Variants in ADCY8 observed in about 807,000 individuals in gnomAD.
The protein encoded by ADCY8 is adenylate cyclase 8.
A neutral mutation model predicts 119.7 loss-of-function variants in ADCY8; 51 were observed. The observed-to-expected ratio is 0.43, with a 90% confidence interval of 0.34 to 0.54. ADCY8 has a LOEUF of 0.54. Among genes scored for constraint, ADCY8 ranks in the 20% least tolerant of loss-of-function variants. The pLI, the probability that ADCY8 is intolerant of heterozygous loss-of-function variation, is 0.03. For missense variants in ADCY8, 1,383 were observed against 1,598.8 expected, an observed-to-expected ratio of 0.87 and a Z score of 2.30; for synonymous variants, 665 against 651.0, an observed-to-expected ratio of 1.02 and a Z score of -0.33.
intron 9 of ADCY8, 140 bp from the exon 10 acceptor site, chr8:130,849,943 G>T: frequency 1.2e-6 from 1 of 858,288 alleles, no homozygotes. Context: ...AAGGTTATTA[G>T]CAGGAGAGAT....
chr8:130,984,754 C>T (rs373289653), intron 2 of ADCY8, among the ~76,000 whole-genome samples: 4 of 152,080 alleles, frequency 2.6e-5, no homozygotes, highest in African/African-American at 9.7e-5. Context: ...GGATCAGGTA[C>T]AAGCGTGTAT....
At chr8:130,886,400 T>C (rs746797245) in intron 7 of ADCY8, among the ~76,000 whole-genome samples, 7 of 151,984 alleles carry the variant, frequency 4.6e-5, no homozygotes, top group Non-Finnish European at 1.0e-4. Context: ...CCAGAACCAA[T>C]GTTCTGGAGA....
chr8:130,940,141 G>T (rs1348108715), intron 4 of ADCY8, among the ~76,000 whole-genome samples: 1 of 152,196 alleles, frequency 6.6e-6, no homozygotes, highest in Non-Finnish European at 1.5e-5. Context: ...CACTTTCTAA[G>T]TCACGTGTCA....
At chr8:130,874,253 A>T (rs1386746628) in intron 8 of ADCY8, among the ~76,000 whole-genome samples, 1 of 152,070 alleles carries the variant, frequency 6.6e-6, no homozygotes, top group African/African-American at 2.4e-5. Context: ...GGTTGCAGTG[A>T]GCCGAGATGG....
chr8:130,909,260 G>A (rs929663340), intron 6 of ADCY8, among the ~76,000 whole-genome samples: 1 of 152,162 alleles, frequency 6.6e-6, no homozygotes, highest in South Asian at 2.1e-4. Flanking sequence ...GAAATGTTGA[G>A]TTTCTAAGGA....
At chr8:130,785,316 A>T in intron 16 of ADCY8, 67 bp downstream of exon 16, 1 of 1,105,140 alleles carries the variant, frequency 9.0e-7, no homozygotes, top group Non-Finnish European at 1.3e-6. Flanking sequence ...AGGCTTCACC[A>T]CCGTCGGTGA....
At chr8:130,800,928 C>A (rs576671608) in intron 14 of ADCY8, among the ~76,000 whole-genome samples, 2 of 152,268 alleles carry the variant, frequency 1.3e-5, no homozygotes, top group African/African-American at 4.8e-5. Flanking sequence ...CAAAGCAAAT[C>A]TTTGGGGCCT....
chr8:130,803,688 A>AGAG (rs1815853596), intron 14 of ADCY8, among the ~76,000 whole-genome samples: 1 of 152,214 alleles, frequency 6.6e-6, no homozygotes, highest in Non-Finnish European at 1.5e-5. Flanking sequence ...AATGAGACAG[A>AGAG]GAGGAGTTAA....
At chr8:130,930,864 A>C in intron 5 of ADCY8, among the ~76,000 whole-genome samples, 2 of 152,130 alleles carry the variant, frequency 1.3e-5, no homozygotes, top group Middle Eastern at 6.8e-3. Flanking sequence ...AAGTTTGAAA[A>C]GTTTTCTGCT....
intron 5 of ADCY8, among the ~76,000 whole-genome samples, chr8:130,930,225 C>T (rs1204265650): frequency 1.3e-5 from 2 of 151,516 alleles, no homozygotes; most frequent in African/African-American, 4.8e-5. Flanking sequence ...GTGATTTTCA[C>T]TAGTGTTATA....
intron 7 of ADCY8, among the ~76,000 whole-genome samples, chr8:130,900,823 C>T (rs866336706): frequency 6.6e-6 from 1 of 152,170 alleles, no homozygotes; most frequent in Non-Finnish European, 1.5e-5. Flanking sequence ...ACTATGAATA[C>T]CAAATTCACA....
chr8:130,805,335 C>T (rs1355617288), intron 14 of ADCY8, among the ~76,000 whole-genome samples: 3 of 152,244 alleles, frequency 2.0e-5, no homozygotes, highest in East Asian at 3.9e-4. Flanking sequence ...GAAATTTGTA[C>T]TGCTAATAAT....
intron 12 of ADCY8, among the ~76,000 whole-genome samples, chr8:130,833,030 G>A (rs1816885402): frequency 6.6e-6 from 1 of 152,094 alleles, no homozygotes; most frequent in South Asian, 2.1e-4. Context: ...TACTCTAAAG[G>A]TGGCTTATTT....
chr8:130,929,725 C>T (rs1820576664), intron 5 of ADCY8, among the ~76,000 whole-genome samples: 1 of 152,170 alleles, frequency 6.6e-6, no homozygotes, highest in Non-Finnish European at 1.5e-5. Flanking sequence ...ACTGCTGAAA[C>T]TGGGATGTTG....
In ADCY8 at chr8:130,780,828, T is replaced by C. The variant is rs759167816; in HGVS notation, c.3318A>G (p.Pro1106=). ...VVAGVIGAKK[P]QYDIWGKTVN... is the part of the protein sequence containing the mutation. ...CAGTTTTGCCCCAAATGTCATACTG[T>C]GGTTTCTTAGCGCCGATAACGCCAG... is the stretch of plus-strand genomic sequence containing the variant. The change falls in exon 18 of 18, where the codon CCA becomes CCG. Residue 1106 remains proline, a synonymous_variant. Transcript: ENST00000286355. 8.7e-6 allele frequency: 14 copies of C among 1,613,998 alleles called. No individual in the cohort carries two copies. Among genetic ancestry groups the C allele is most frequent in the Non-Finnish European group, 1.0e-5 (12 of 1,180,002 alleles).
intron 14 of ADCY8, among the ~76,000 whole-genome samples, chr8:130,804,984 C>T (rs1041585981): frequency 7.2e-5 from 11 of 151,970 alleles, no homozygotes; most frequent in African/African-American, 2.4e-4. Context: ...TGGCCTCCAG[C>T]GATCTACCCA....
At chr8:130,827,495 A>T (rs1019541907) in intron 12 of ADCY8, among the ~76,000 whole-genome samples, 6 of 152,202 alleles carry the variant, frequency 3.9e-5, no homozygotes, top group African/African-American at 1.4e-4. Flanking sequence ...TGTAAATCAG[A>T]CACCACCTCC....
intron 1 of ADCY8, among the ~76,000 whole-genome samples, chr8:131,001,983 T>C (rs1003899867): frequency 2.0e-5 from 3 of 152,196 alleles, no homozygotes; most frequent in Non-Finnish European, 2.9e-5. Context: ...CTGTAGGAAG[T>C]CCTTATCCTC....
chr8:131,016,376 C>T (rs1024800286), intron 1 of ADCY8, among the ~76,000 whole-genome samples: 21 of 152,246 alleles, frequency 1.4e-4, no homozygotes, highest in Middle Eastern at 3.4e-3. Context: ...TGGTAGCACA[C>T]GACCATAGTC....
Sources: gnomAD v4.1 joint callset for allele counts (sites outside exome capture counted in the v4.1 genomes callset) on GRCh38, gnomAD v4.1.1 for gene constraint, MANE v1.5 for transcripts, NCBI Gene and HGNC (gene_info 2026-07-23, HGNC 2026-07-21) for gene names.